C4BPA: variants seen among roughly 807,000 people sequenced by gnomAD.
The protein encoded by C4BPA is complement component 4 binding protein alpha.
In C4BPA, 31 loss-of-function variants were observed where a neutral mutation model predicts 63.7. That is an observed-to-expected ratio of 0.49 (90% CI 0.37 to 0.66). C4BPA has a LOEUF of 0.66. C4BPA is among the 30% of genes least tolerant of loss of function. C4BPA has a pLI of 0.00. For missense variants in C4BPA, 572 were observed against 723.3 expected (o/e 0.79, Z 2.40); for synonymous variants, 259 against 254.7 (o/e 1.02, Z -0.16).
At chr1:207,137,429 T>C (rs1685305734) in intron 9 of C4BPA, among the ~76,000 whole-genome samples, 1 of 152,192 alleles carries the variant, frequency 6.6e-6, no homozygotes, top group African/African-American at 2.4e-5. Flanking sequence ...GTAAGATTTA[T>C]ACTGGTTTGA....
In C4BPA at chr1:207,111,812, G is replaced by A. The variant is rs77770518; in HGVS notation, c.-25-1189G>A. On this transcript the variant is annotated intron_variant, in intron 1 of 11. Coordinates refer to ENST00000367070, the MANE Select transcript of C4BPA (RefSeq NM_000715.4). The stretch of plus-strand genomic sequence containing the variant: ...GTATGAATTATGGATGCACGAGAGC[G>A]TCCAACCATCTGGATCTAACAAAGA... 6.2e-3 allele frequency among the ~76,000 whole-genome samples: 937 copies of A among 152,252 alleles called. 7 individuals are homozygous for A. Among genetic ancestry groups the A allele is most frequent in the Middle Eastern group, 0.017 (5 of 294 alleles).
chr1:207,126,360 T>C (rs1344521836), intron 6 of C4BPA, among the ~76,000 whole-genome samples: 1 of 148,124 alleles, frequency 6.8e-6, no homozygotes, highest in East Asian at 1.9e-4. Flanking sequence ...ATATAAAATA[T>C]ATAATAAGTA....
At chr1:207,107,330 T>C (rs1334039699) in intron 1 of C4BPA, among the ~76,000 whole-genome samples, 1 of 152,206 alleles carries the variant, frequency 6.6e-6, no homozygotes, top group Non-Finnish European at 1.5e-5. Context: ...GGAGGTTCAC[T>C]TGAGGCCAGG....
At chr1:207,123,800 A>T in intron 4 of C4BPA, 122 bp from the exon 5 acceptor site, 1 of 630,370 alleles carries the variant, frequency 1.6e-6, no homozygotes. Context: ...ATGGGAAATG[A>T]TATCCAAGAA....
At chr1:207,116,262 T>C (rs1684783507) in intron 4 of C4BPA, among the ~76,000 whole-genome samples, 1 of 152,232 alleles carries the variant, frequency 6.6e-6, no homozygotes, top group Non-Finnish European at 1.5e-5. Flanking sequence ...ATAGTTTCAC[T>C]GTACATTTCT....
At chr1:207,125,534 A>T (rs1685020912) in intron 6 of C4BPA, among the ~76,000 whole-genome samples, 1 of 152,044 alleles carries the variant, frequency 6.6e-6, no homozygotes, top group Non-Finnish European at 1.5e-5. Flanking sequence ...CATGAATGGG[A>T]TTAGTGCCCT....
intron 4 of C4BPA, among the ~76,000 whole-genome samples, chr1:207,120,837 C>T (rs951022461): frequency 1.3e-5 from 2 of 152,184 alleles, no homozygotes; most frequent in African/African-American, 4.8e-5. Context: ...GAGACAAGTT[C>T]TCCCTCTATC....
At chr1:207,135,324 C>T (rs547007161) in intron 9 of C4BPA, among the ~76,000 whole-genome samples, 14 of 151,736 alleles carry the variant, frequency 9.2e-5, no homozygotes, top group African/African-American at 2.2e-4. Flanking sequence ...GGCTACAGAG[C>T]GAGAATTTGT....
In C4BPA at chr1:207,115,552, T is replaced by C. The variant is rs12031629; in HGVS notation, c.428+37T>C. ...GTAATCTATGAACAATTCTTTTATA[T>C]TTATTTAAAAAATAGCTGAAGTGTT... On this transcript the variant is annotated intron_variant, in intron 4 of 11. Transcript: ENST00000367070. 620,844 of 1,090,848 alleles carry C rather than the reference T, an allele frequency of 0.57. 181,602 individuals are homozygous for C. Among genetic ancestry groups the C allele is most frequent in the Non-Finnish European group, 0.6 (454,589 of 755,852 alleles). The allele number at this position is 1,090,848 out of a possible 1,614,324, so 67.6% of individuals were successfully genotyped here.
intron 9 of C4BPA, among the ~76,000 whole-genome samples, chr1:207,140,765 G>A (rs1685397080): frequency 6.6e-6 from 1 of 152,158 alleles, no homozygotes; most frequent in African/African-American, 2.4e-5. Context: ...GCAAATCTCT[G>A]CATTTAGCCT....
At position 207,114,104 on chromosome 1, in the gene C4BPA, T is replaced by C. The variant is rs1684729509; in HGVS notation, c.147T>C (p.Asn49=). 1 of 1,611,492 alleles carries C rather than the reference T, an allele frequency of 6.2e-7. No homozygotes were observed. The highest frequency in any genetic ancestry group is 8.5e-7 in the Non-Finnish European group (1 of 1,178,462). ...CCTTCTCATTTTGGTGTCCAGGCAA[T>C]TGTGGTCCTCCACCCACTTTATCAT... is the stretch of plus-strand genomic sequence containing the variant. The part of the protein sequence containing the change: ...IAALLPAVLG[N]CGPPPTLSFA... Residue 49 remains asparagine (N), a synonymous_variant, in exon 3 of 12, where the codon AAT becomes AAC. Coordinates refer to ENST00000367070, the MANE Select transcript of C4BPA (RefSeq NM_000715.4).
rs774080937 is a variant in C4BPA at position 207,114,241 on chromosome 1, C to A, written c.284C>A (p.Thr95Asn). ...YVRSHSTQTL[T>N]CNSDGEWVYN... ...AGATCCCATTCAACTCAGACGCTTA[C>A]CTGTAATTCTGATGGCGAATGGGTG... The change falls in exon 3 of 12, where the codon ACC (threonine) becomes AAC (asparagine). Residue 95 changes from threonine (T) to asparagine (N), a missense_variant. Thr to Asn is a moderately conservative substitution (Grantham distance 65). This residue lies in a region of C4BPA where 465 missense variants were observed against 629.4 expected (regional missense o/e 0.74). Transcript: ENST00000367070. 1.9e-6 allele frequency: 3 copies of A among 1,613,406 alleles called. No individual in the cohort carries two copies. Among genetic ancestry groups the A allele is most frequent in the Non-Finnish European group, 2.5e-6 (3 of 1,179,672 alleles).
intron 4 of C4BPA, among the ~76,000 whole-genome samples, chr1:207,120,436 G>A (rs780184151): frequency 5.3e-5 from 8 of 152,076 alleles, no homozygotes; most frequent in African/African-American, 1.4e-4. Flanking sequence ...CTCTTGCTGC[G>A]TCCCCCAGTA....
intron 8 of C4BPA, among the ~76,000 whole-genome samples, chr1:207,132,869 T>A (rs1685191486): frequency 6.6e-6 from 1 of 151,970 alleles, no homozygotes; most frequent in South Asian, 2.1e-4. Flanking sequence ...ACAAATAATT[T>A]AAAAAATTAG....
At chr1:207,123,419 T>G (rs772217675) in intron 4 of C4BPA, among the ~76,000 whole-genome samples, 4 of 152,224 alleles carry the variant, frequency 2.6e-5, no homozygotes, top group Non-Finnish European at 5.9e-5. Flanking sequence ...CTTTTGTTTT[T>G]TTCTGTTAGC....
At chr1:207,118,299 C>T (rs148433966) in intron 4 of C4BPA, among the ~76,000 whole-genome samples, 14 of 151,944 alleles carry the variant, frequency 9.2e-5, no homozygotes, top group African/African-American at 3.4e-4. Context: ...AGCCAACTTT[C>T]TAAATTTATT....
chr1:207,106,234 G>A (rs1432292638), intron 1 of C4BPA, among the ~76,000 whole-genome samples: 1 of 152,120 alleles, frequency 6.6e-6, no homozygotes, highest in African/African-American at 2.4e-5. Flanking sequence ...CGTAGTTGGA[G>A]AAGAGTTAGG....
At chr1:207,133,751 G>T (rs73079147) in intron 8 of C4BPA, among the ~76,000 whole-genome samples, 36,085 of 152,084 alleles carry the variant, frequency 0.24, 4,402 homozygotes, top group East Asian at 0.27. Flanking sequence ...GATAAAGCAA[G>T]ATCTTGCCAT....
intron 9 of C4BPA, among the ~76,000 whole-genome samples, chr1:207,136,098 G>GTGGCTT (rs776641269): frequency 6.6e-6 from 1 of 152,202 alleles, no homozygotes; most frequent in Non-Finnish European, 1.5e-5. Flanking sequence ...TTGCTAGGAA[G>GTGGCTT]TGGCTTTTTG....
Sources: allele counts gnomAD v4.1 joint callset (sites outside exome capture counted in the v4.1 genomes callset), GRCh38; gene constraint gnomAD v4.1.1; regional missense constraint gnomAD v4.1.1; transcripts MANE v1.5; gene names NCBI Gene and HGNC (gene_info 2026-07-23, HGNC 2026-07-21).